CDH18: variants seen among roughly 807,000 people sequenced by gnomAD.
CDH18 encodes cadherin-18.
Under a neutral mutation model 67.9 loss-of-function variants are expected in CDH18, and 31 were observed. The ratio of observed to expected loss-of-function variants is 0.46; its 90% CI spans 0.34 to 0.62. The LOEUF (loss-of-function observed/expected upper bound fraction) is 0.62, where lower values mean the gene tolerates loss of function less well. Ranked by LOEUF, CDH18 falls within the 20% of genes least tolerant of loss-of-function variation. The pLI is 0.01. For missense variants in CDH18, 890 were observed against 975.5 expected (o/e 0.91, Z 1.17); for synonymous variants, 362 against 347.2 (o/e 1.04, Z -0.48).
At chr5:20,152,101 A>G (rs1268411763) in intron 2 of CDH18, among the ~76,000 whole-genome samples, 1 of 146,584 alleles carries the variant, frequency 6.8e-6, no homozygotes, top group Non-Finnish European at 1.5e-5. Flanking sequence ...AAATTATTTT[A>G]TATTTTATAA....
chr5:20,286,585 G>C (rs1241117194), intron 1 of CDH18, among the ~76,000 whole-genome samples: 2 of 151,642 alleles, frequency 1.3e-5, no homozygotes, highest in Non-Finnish European at 3.0e-5. Flanking sequence ...GGGGATTCCA[G>C]GTTGAAAAAA....
At chr5:20,501,565 A>AT (rs1754295079) in intron 1 of CDH18, among the ~76,000 whole-genome samples, 2 of 15,008 alleles carry the variant, frequency 1.3e-4, no homozygotes, top group African/African-American at 2.1e-4. Flanking sequence ...TAATATATAT[A>AT]TATAATATAT....
rs1739761303 is a variant in CDH18 at position 19,483,211 on chromosome 5, T to G, written c.1882+90A>C. On this transcript the variant is annotated intron_variant, in intron 12 of 12. Transcript: ENST00000382275. ...TGGAGCAGCTGTTTCCTTACCCACA[T>G]TATGGATGCCTAATCCTTAAGATTT... 3 of 1,308,060 alleles carry G rather than the reference T, an allele frequency of 2.3e-6. No individual in the cohort carries two copies. The East Asian group carries it at 7.0e-5, about 31-fold the overall frequency. The allele number at this position is 1,308,060 out of a possible 1,614,324, so 81.0% of individuals were successfully genotyped here.
At chr5:20,340,372 G>A (rs1331439940) in intron 1 of CDH18, among the ~76,000 whole-genome samples, 1 of 152,134 alleles carries the variant, frequency 6.6e-6, no homozygotes, top group African/African-American at 2.4e-5. Context: ...GGAGAAAGAG[G>A]AAGCACAAGA....
At position 20,557,859 on chromosome 5, in the gene CDH18, T is replaced by TGTTATAGTTATATAACATTA. The variant is rs1757988018; in HGVS notation, c.-580+17602_-580+17603insTAATGTTATATAACTATAAC. 1.3e-4 allele frequency among the ~76,000 whole-genome samples: 6 copies of TGTTATAGTTATATAACATTA among 45,200 alleles called. 2 individuals carry two copies. In the Admixed American group the frequency reaches 1.4e-3, roughly 11 times the overall value. 29.7% of individuals were successfully genotyped at this position (45,200 alleles called of 152,430 possible). ...AAATGTAACATTGTTATATAACATT[T>TGTTATAGTTATATAACATTA]AATGTTATAGTTATATAACATTAAA... is the stretch of plus-strand genomic sequence containing the variant. On this transcript the variant is annotated intron_variant, in intron 1 of 14. Transcript: ENST00000507958.
At chr5:19,993,466 G>A (rs970539611) in intron 2 of CDH18, among the ~76,000 whole-genome samples, 4 of 151,936 alleles carry the variant, frequency 2.6e-5, no homozygotes, top group East Asian at 1.9e-4. Context: ...TAGCTAATTC[G>A]TTTGGTTTTA....
chr5:20,337,098 C>A lies in CDH18; in HGVS notation c.-579-81593G>T, dbSNP rs372256150. Among the ~76,000 whole-genome samples, 49 of 152,280 alleles carry A rather than the reference C, an allele frequency of 3.2e-4. No individual in the cohort carries two copies. The South Asian group carries it at 4.8e-3, about 15-fold the overall frequency. ...CCATTTCTGGAAACCTGATTTCAGA[C>A]CCCCTCTCTTTGCCTAGAACTTTCC... On this transcript the variant is annotated intron_variant, in intron 1 of 14. Transcript: ENST00000507958.
chr5:20,356,782 C>A (rs570013720), intron 1 of CDH18, among the ~76,000 whole-genome samples: 1 of 149,274 alleles, frequency 6.7e-6, no homozygotes, highest in Non-Finnish European at 1.5e-5. Context: ...CACATGCACA[C>A]ACACATATAC....
chr5:20,054,668 C>T (rs1331677350), intron 2 of CDH18, among the ~76,000 whole-genome samples: 2 of 152,174 alleles, frequency 1.3e-5, no homozygotes, highest in Non-Finnish European at 2.9e-5. Flanking sequence ...AAGTTAGGTC[C>T]TTCCTAACCT....
Position 19,543,956 on chromosome 5 carries a change from C to A in CDH18, c.1303G>T (p.Ala435Ser). Residue 435 changes from alanine (A) to serine (S), a missense_variant, in exon 9 of 13, where the codon GCC becomes TCC. This residue lies in a region of CDH18 where 656 missense variants were observed against 668.1 expected (regional missense o/e 0.98). Coordinates refer to ENST00000382275, the MANE Select transcript of CDH18 (RefSeq NM_004934.5). ...VEDDRFFNID[A>S]NTGTIRTTKV... ...GTAGTCCTAATGGTCCCAGTATTGG[C>A]ATCAATGTTGAAAAATCTGTCGTCT... is the stretch of plus-strand genomic sequence containing the variant. 1 of 1,594,756 alleles carries A rather than the reference C, an allele frequency of 6.3e-7. No individual in the cohort carries two copies. The highest frequency in any genetic ancestry group is 8.6e-7 in the Non-Finnish European group (1 of 1,166,096).
chr5:20,301,171 G>T (rs1299659094), intron 1 of CDH18, among the ~76,000 whole-genome samples: 1 of 140,394 alleles, frequency 7.1e-6, no homozygotes, highest in Non-Finnish European at 1.5e-5. Context: ...TATAGACAGT[G>T]TTTTTTTGTT....
intron 2 of CDH18, among the ~76,000 whole-genome samples, chr5:20,023,217 G>C (rs972622113): frequency 5.9e-5 from 9 of 152,114 alleles, no homozygotes; most frequent in Admixed American, 2.6e-4. Context: ...TTTCAGAGCT[G>C]TTTTCTCAAA....
intron 1 of CDH18, among the ~76,000 whole-genome samples, chr5:20,259,033 G>A (rs1242782151): frequency 2.0e-5 from 3 of 152,128 alleles, no homozygotes; most frequent in Non-Finnish European, 4.4e-5. Flanking sequence ...TACAGTGTTT[G>A]GGACTTGAAA....
chr5:20,124,523 TC>T (rs1485521188), intron 2 of CDH18, among the ~76,000 whole-genome samples: 3 of 152,190 alleles, frequency 2.0e-5, no homozygotes, highest in African/African-American at 7.2e-5. Flanking sequence ...ACTTCTTAAA[TC>T]CCTGACCTCT....
At chr5:20,034,361 C>T (rs577244826) in intron 2 of CDH18, among the ~76,000 whole-genome samples, 1 of 152,046 alleles carries the variant, frequency 6.6e-6, no homozygotes, top group Admixed American at 6.6e-5. Context: ...TATGCAAATT[C>T]CCACTTAAAT....
chr5:20,131,859 G>A (rs912151380), intron 2 of CDH18, among the ~76,000 whole-genome samples: 1 of 151,946 alleles, frequency 6.6e-6, no homozygotes, highest in African/African-American at 2.4e-5. Context: ...TTCACATATA[G>A]CTTTACAATA....
chr5:20,346,500 G>C (rs1249025670), intron 1 of CDH18, among the ~76,000 whole-genome samples: 1 of 152,124 alleles, frequency 6.6e-6, no homozygotes, highest in African/African-American at 2.4e-5. Flanking sequence ...AGGATGTACA[G>C]AAGTGGGTGA....
chr5:19,697,158 G>C (rs1762638270), intron 5 of CDH18, among the ~76,000 whole-genome samples: 1 of 152,180 alleles, frequency 6.6e-6, no homozygotes, highest in South Asian at 2.1e-4. Context: ...AATATCTAGA[G>C]AAGTGGAAAA....
intron 3 of CDH18, among the ~76,000 whole-genome samples, chr5:19,756,732 C>T (rs1327525195): frequency 6.6e-6 from 1 of 152,194 alleles, no homozygotes; most frequent in Non-Finnish European, 1.5e-5. Context: ...GTTGCTATGT[C>T]TCCTGGTGTC....
Sources: gnomAD v4.1 joint callset for allele counts (sites outside exome capture counted in the v4.1 genomes callset) on GRCh38, gnomAD v4.1.1 for gene constraint, gnomAD v4.1.1 regional missense constraint, MANE v1.5 for transcripts, NCBI Gene and HGNC (gene_info 2026-07-23, HGNC 2026-07-21) for gene names.